VWA8: variants seen among roughly 807,000 people sequenced by gnomAD.
VWA8 encodes the protein von Willebrand factor A domain containing 8.
A neutral mutation model predicts 241.5 loss-of-function variants in VWA8; 221 were observed. The ratio of observed to expected loss-of-function variants is 0.91; its 90% CI spans 0.82 to 1.02. The LOEUF (loss-of-function observed/expected upper bound fraction) is 1.02. VWA8 is among the 50% of genes least tolerant of loss of function. The pLI is 0.00. For synonymous variants in VWA8, 852 were observed against 827.1 expected, an observed-to-expected ratio of 1.03 and a Z score of -0.52; for missense variants, 2,322 against 2,328.7, an observed-to-expected ratio of 1.00 and a Z score of 0.06.
chr13:41,574,134 AAAAAC>A (rs748252244), intron 43 of VWA8, among the ~76,000 whole-genome samples: 5 of 151,862 alleles, frequency 3.3e-5, no homozygotes, highest in African/African-American at 7.3e-5. Context: ...TTGAAAACAT[AAAAAC>A]AAAACAAAAA....
intron 44 of VWA8, 124 bp downstream of exon 44, chr13:41,570,344 T>G (rs9566791): frequency 1.2e-6 from 1 of 809,976 alleles, no homozygotes; most frequent in South Asian, 2.0e-5. Flanking sequence ...GCTAGTAACT[T>G]TAGTTTCTGT....
At chr13:41,753,569 T>C (rs565183777) in intron 21 of VWA8, among the ~76,000 whole-genome samples, 1 of 152,206 alleles carries the variant, frequency 6.6e-6, no homozygotes, top group Non-Finnish European at 1.5e-5. Flanking sequence ...TCTTTTAAAT[T>C]ACATATATCA....
intron 37 of VWA8, among the ~76,000 whole-genome samples, chr13:41,629,634 C>T (rs189509395): frequency 1.3e-5 from 2 of 152,222 alleles, no homozygotes; most frequent in Admixed American, 1.3e-4. Flanking sequence ...ATGAAAGTCA[C>T]ATAATATTTC....
intron 37 of VWA8, among the ~76,000 whole-genome samples, chr13:41,666,133 G>A (rs1186703971): frequency 6.6e-6 from 1 of 152,076 alleles, no homozygotes; most frequent in Non-Finnish European, 1.5e-5. Context: ...TTAGAGGAAT[G>A]TAAAAATCAA....
chr13:41,584,386 T>G (rs2044403501), intron 42 of VWA8, among the ~76,000 whole-genome samples: 1 of 152,140 alleles, frequency 6.6e-6, no homozygotes, highest in Non-Finnish European at 1.5e-5. Flanking sequence ...GTGACCCCAG[T>G]TCTAAAGTCT....
chr13:41,732,040 A>C (rs758282263), intron 22 of VWA8, 40 bp downstream of exon 22: 22 of 1,572,472 alleles, frequency 1.4e-5, no homozygotes, highest in South Asian at 5.6e-5. Context: ...CTATGATACA[A>C]AAATACACTT....
intron 33 of VWA8, among the ~76,000 whole-genome samples, chr13:41,689,850 G>C (rs999482043): frequency 1.3e-5 from 2 of 151,826 alleles, no homozygotes; most frequent in Admixed American, 6.6e-5. Context: ...CCCCAAAACT[G>C]TGATAAATTA....
intron 20 of VWA8, among the ~76,000 whole-genome samples, chr13:41,776,254 A>G (rs2137926865): frequency 6.6e-6 from 1 of 152,334 alleles, no homozygotes; most frequent in East Asian, 1.9e-4. Flanking sequence ...TCTGAAAAGG[A>G]CACACTGAGT....
At chr13:41,745,346 G>A (rs1410720856) in intron 21 of VWA8, among the ~76,000 whole-genome samples, 3 of 151,908 alleles carry the variant, frequency 2.0e-5, no homozygotes, top group South Asian at 2.1e-4. Flanking sequence ...GTGTCCAAGC[G>A]TTTTCATTGT....
intron 12 of VWA8, among the ~76,000 whole-genome samples, chr13:41,852,108 G>C (rs535683389): frequency 6.6e-6 from 1 of 151,990 alleles, no homozygotes; most frequent in Non-Finnish European, 1.5e-5. Flanking sequence ...TTATCTTTTC[G>C]ATATTAGCCA....
chr13:41,819,274 A>G lies in VWA8; in HGVS notation c.1813T>C (p.Phe605Leu). 6.2e-7 allele frequency: 1 copy of G among 1,613,204 alleles called. No homozygotes were observed. The highest frequency in any genetic ancestry group is 8.5e-7 in the Non-Finnish European group (1 of 1,179,826). Residue 605 changes from phenylalanine (F) to leucine (L), a missense_variant, in exon 15 of 45, where the codon TTC becomes CTC. Physicochemically the swap from Phe to Leu is conservative, Grantham distance 22 (BLOSUM62 0). Coordinates refer to ENST00000379310, the MANE Select transcript of VWA8 (RefSeq NM_015058.2). ...LGPEFLTMFF[F>L]HYMKPLVKSE... ...TTCACAAGTGGTTTCATGTAATGGA[A>G]AAAGAACATGGTTAAGAATTCTGGT...
chr13:41,580,164 T>C lies in VWA8; in HGVS notation c.5272-4326A>G, dbSNP rs560035614. 3.5e-4 allele frequency among the ~76,000 whole-genome samples: 53 copies of C among 152,298 alleles called. 1 individual carries two copies. In the South Asian group the frequency reaches 0.011, roughly 31 times the overall value. Reference sequence around the variant, plus strand: ...ACCACTGTGCCCGGCCCAGTGTTTTTACTACAGAGAAATAACTACTTCCCC... The same window carrying C: ...ACCACTGTGCCCGGCCCAGTGTTTTCACTACAGAGAAATAACTACTTCCCC... On this transcript the variant is annotated intron_variant, in intron 42 of 44. Transcript: ENST00000379310.
chr13:41,713,388 G>A (rs1388609029), intron 26 of VWA8, among the ~76,000 whole-genome samples: 1 of 152,110 alleles, frequency 6.6e-6, no homozygotes, highest in African/African-American at 2.4e-5. Context: ...TTCTGAAATA[G>A]TTTAAAAAGT....
chr13:41,666,314 C>T (rs1354581820), intron 37 of VWA8, among the ~76,000 whole-genome samples: 8 of 152,068 alleles, frequency 5.3e-5, no homozygotes, highest in Non-Finnish European at 7.4e-5. Context: ...TGCAGGCTTC[C>T]ACATTTCCTG....
At chr13:41,579,658 T>C (rs890048494) in intron 42 of VWA8, among the ~76,000 whole-genome samples, 1 of 152,202 alleles carries the variant, frequency 6.6e-6, no homozygotes, top group Admixed American at 6.5e-5. Context: ...ACTTACTGAC[T>C]TTATAGTTTG....
At chr13:41,830,115 C>T (rs1293534983) in intron 14 of VWA8, among the ~76,000 whole-genome samples, 3 of 151,346 alleles carry the variant, frequency 2.0e-5, no homozygotes, top group Admixed American at 1.3e-4. Flanking sequence ...TAGTGGCGGG[C>T]GCCTGTGTTC....
intron 21 of VWA8, among the ~76,000 whole-genome samples, chr13:41,752,894 T>C (rs573798432): frequency 6.6e-6 from 1 of 152,148 alleles, no homozygotes; most frequent in Non-Finnish European, 1.5e-5. Flanking sequence ...GGATTTGATC[T>C]CTAAAACCCA....
At chr13:41,927,319 C>A in intron 2 of VWA8, 1 of 528,650 alleles carries the variant, frequency 1.9e-6, no homozygotes, top group Non-Finnish European at 3.9e-6. Context: ...CACTGATATG[C>A]TGGAAAGCAC....
intron 21 of VWA8, among the ~76,000 whole-genome samples, chr13:41,749,496 C>T (rs2045636924): frequency 6.6e-6 from 1 of 152,148 alleles, no homozygotes; most frequent in African/African-American, 2.4e-5. Flanking sequence ...CCAGCCATCC[C>T]ATTACTGGGT....
Sources: allele counts gnomAD v4.1 joint callset (sites outside exome capture counted in the v4.1 genomes callset), GRCh38; gene constraint gnomAD v4.1.1; transcripts MANE v1.5; gene names NCBI Gene and HGNC (gene_info 2026-07-23, HGNC 2026-07-21).